Variants in USP30 observed in about 807,000 individuals in gnomAD.
USP30 encodes the protein ubiquitin carboxyl-terminal hydrolase 30.
In USP30, 41 loss-of-function variants were observed where a neutral mutation model predicts 68.2. That is an observed-to-expected ratio of 0.60 (90% CI 0.47 to 0.78). The LOEUF (loss-of-function observed/expected upper bound fraction) is 0.78, where lower values mean the gene tolerates loss of function less well. USP30 is among the 30% of genes least tolerant of loss of function. USP30 has a pLI of 0.00. For missense variants in USP30, 522 were observed against 649.4 expected (o/e 0.80, Z 2.13); for synonymous variants, 229 against 253.7 (o/e 0.90, Z 0.93).
At position 109,086,006 on chromosome 12, in the gene USP30, C is replaced by A. The variant is rs538919968; in HGVS notation, c.*75C>A. On this transcript the variant is annotated 3_prime_UTR_variant, in exon 13 of 13. Transcript: ENST00000257548. Reference sequence around the variant, plus strand: ...GGAAAAAAGTAAAACTGTACTGTTGCGTGTGCAAGCGGCCCCACTAGAGCC... The same window carrying A: ...GGAAAAAAGTAAAACTGTACTGTTGAGTGTGCAAGCGGCCCCACTAGAGCC... 1.3e-6 allele frequency: 2 copies of A among 1,500,666 alleles called. No homozygotes were observed. The highest frequency in any genetic ancestry group is 1.4e-5 in the African/African-American group (1 of 72,262). The allele number at this position is 1,500,666 out of a possible 1,614,324, so 93.0% of individuals were successfully genotyped here. A position where few individuals can be genotyped will look rare whatever the true frequency, so the allele number is the denominator to read the frequency against.
intron 1 of USP30, among the ~76,000 whole-genome samples, chr12:109,055,276 CCTGT>C (rs948762345): frequency 8.2e-5 from 12 of 147,188 alleles, no homozygotes; most frequent in Non-Finnish European, 1.5e-4. Context: ...GTGCCCCTTC[CCTGT>C]CTAATATTCT....
intron 3 of USP30, among the ~76,000 whole-genome samples, chr12:109,064,428 G>A (rs1232459263): frequency 6.6e-6 from 1 of 151,976 alleles, no homozygotes; most frequent in African/African-American, 2.4e-5. Context: ...ATCACCCCCG[G>A]CTAATTTTTG....
At chr12:109,053,801 G>A in intron 1 of USP30, 1 of 271,544 alleles carries the variant, frequency 3.7e-6, no homozygotes, top group Non-Finnish European at 7.4e-6. Context: ...TTGTCCCTGG[G>A]TATTTTTTCC....
In USP30 at chr12:109,079,351, C is replaced by CTTTTTTTTTTTTTTT. The variant is rs71079521; in HGVS notation, c.721-1969_721-1955dup. 1.3e-3 allele frequency among the ~76,000 whole-genome samples: 62 copies of CTTTTTTTTTTTTTTT among 48,798 alleles called. 6 individuals carry two copies. Among genetic ancestry groups the CTTTTTTTTTTTTTTT allele is most frequent in the African/African-American group, 2.0e-3 (24 of 11,836 alleles). 32.0% of individuals were successfully genotyped at this position (48,798 alleles called of 152,430 possible). A position where few individuals can be genotyped will look rare whatever the true frequency, so the allele number is the denominator to read the frequency against. On this transcript the variant is annotated intron_variant, in intron 7 of 12. Transcript: ENST00000257548. ...TTCTTTTCTTTTTCTTTTTTTTTTT[C>CTTTTTTTTTTTTTTT]TTTTTTTTTTTTTTTTTTTTTTTTT...
chr12:109,054,347 C>G (rs1230612814), intron 1 of USP30, among the ~76,000 whole-genome samples: 3 of 151,786 alleles, frequency 2.0e-5, no homozygotes, highest in African/African-American at 7.3e-5. Context: ...GTAGTGAGAC[C>G]CTGTCTCTAC....
intron 3 of USP30, among the ~76,000 whole-genome samples, chr12:109,064,126 G>A (rs991398271): frequency 6.6e-6 from 1 of 151,916 alleles, no homozygotes; most frequent in Non-Finnish European, 1.5e-5. Flanking sequence ...CCTGTGTCAG[G>A]CCCCCAAAGT....
intron 3 of USP30, 30 bp from the exon 4 acceptor site, chr12:109,067,494 T>C: frequency 6.3e-7 from 1 of 1,589,770 alleles, no homozygotes; most frequent in Non-Finnish European, 8.6e-7. Flanking sequence ...CTGATGAATT[T>C]AATAATTGTC....
intron 3 of USP30, among the ~76,000 whole-genome samples, chr12:109,062,833 T>A (rs931933089): frequency 1.3e-5 from 2 of 152,178 alleles, no homozygotes; most frequent in African/African-American, 2.4e-5. Context: ...CATCATCCCG[T>A]ACTGAAACTG....
chr12:109,048,691 G>A (rs1266234695), upstream of USP30, among the ~76,000 whole-genome samples: 2 of 146,124 alleles, frequency 1.4e-5, no homozygotes, highest in Non-Finnish European at 3.0e-5. Flanking sequence ...AGTGAGCCAA[G>A]ATCGCCCTAC....
At chr12:109,052,459 T>C, upstream of USP30, 1 of 416,022 alleles carries the variant, frequency 2.4e-6, no homozygotes, top group South Asian at 7.0e-5. Flanking sequence ...CGGGGCCTGT[T>C]GCTAAGGGAA....
intron 3 of USP30, among the ~76,000 whole-genome samples, chr12:109,041,096 T>A (rs112834282): frequency 6.6e-5 from 10 of 152,234 alleles, no homozygotes; most frequent in Non-Finnish European, 1.2e-4. Context: ...AGCTGGCCTC[T>A]GATAGTCTCT....
chr12:109,052,467 G>C, upstream of USP30: 1 of 431,894 alleles, frequency 2.3e-6, no homozygotes, highest in Non-Finnish European at 4.0e-6. Flanking sequence ...GTTGCTAAGG[G>C]AAAAGAAAGA....
chr12:109,047,777 C>T (rs2040618554), upstream of USP30: 1 of 152,140 alleles, frequency 6.6e-6, no homozygotes, highest in Non-Finnish European at 1.5e-5. Flanking sequence ...CACTTGAGCC[C>T]AGGAGTTCGA....
chr12:109,073,074 T>C (rs1242644373), intron 6 of USP30, among the ~76,000 whole-genome samples: 1 of 152,260 alleles, frequency 6.6e-6, no homozygotes, highest in Non-Finnish European at 1.5e-5. Context: ...TTGCTTATTC[T>C]GTTTATTTCA....
intron 6 of USP30, among the ~76,000 whole-genome samples, chr12:109,072,807 A>C (rs2041486288): frequency 6.6e-6 from 1 of 152,254 alleles, no homozygotes; most frequent in Non-Finnish European, 1.5e-5. Context: ...GCTGTTTGCC[A>C]GGCATTGCAT....
At chr12:109,073,615 G>A in intron 7 of USP30, 83 bp downstream of exon 7, 2 of 1,221,320 alleles carry the variant, frequency 1.6e-6, no homozygotes, top group Non-Finnish European at 2.4e-6. Flanking sequence ...AGAGTGGGCT[G>A]ACATCGGTCA....
intron 2 of USP30, among the ~76,000 whole-genome samples, chr12:109,057,260 CAAAG>C (rs1009427166): frequency 1.9e-4 from 29 of 151,760 alleles, no homozygotes; most frequent in African/African-American, 7.0e-4. Context: ...TAAAATTCAG[CAAAG>C]AAAGAAAGAA....
At chr12:109,046,854 G>A (rs11067125) in intron 3 of USP30, among the ~76,000 whole-genome samples, 35 of 152,144 alleles carry the variant, frequency 2.3e-4, no homozygotes, top group African/African-American at 7.9e-4. Context: ...GCGCCATCAT[G>A]CCCAGCTAAT....
At chr12:109,029,533 C>T (rs921064835) in intron 3 of USP30, among the ~76,000 whole-genome samples, 13 of 152,132 alleles carry the variant, frequency 8.5e-5, no homozygotes, top group Non-Finnish European at 1.5e-4. Context: ...AAGGAATGTA[C>T]TTATTAGGGC....
Sources: allele counts gnomAD v4.1 joint callset (sites outside exome capture counted in the v4.1 genomes callset), GRCh38; gene constraint gnomAD v4.1.1; transcripts MANE v1.5; gene names NCBI Gene and HGNC (gene_info 2026-07-23, HGNC 2026-07-21).